The following SMYD3 variants were observed in gnomAD, a reference collection of about 807,000 sequenced individuals.
SMYD3 encodes the protein SET and MYND domain containing 3, also known as histone-lysine N-methyltransferase SMYD3.
SMYD3 carries 36 observed loss-of-function variants against 57.7 expected under a neutral mutation model. That is an observed-to-expected ratio of 0.62 (90% CI 0.48 to 0.82). SMYD3 has a LOEUF of 0.82. Among genes scored for constraint, SMYD3 ranks in the 40% least tolerant of loss-of-function variants. The probability of loss-of-function intolerance (pLI) is 0.00; values close to 1 mark genes in which losing one functional copy is unlikely to be tolerated. For synonymous variants in SMYD3, 211 were observed against 195.0 expected, an observed-to-expected ratio of 1.08 and a Z score of -0.68; for missense variants, 515 against 538.8, an observed-to-expected ratio of 0.96 and a Z score of 0.44.
chr1:246,464,143 TTC>T (rs2067848845), intron 1 of SMYD3, among the ~76,000 whole-genome samples: 1 of 152,162 alleles, frequency 6.6e-6, no homozygotes, highest in Admixed American at 6.5e-5. Flanking sequence ...GCTCTTTGTT[TTC>T]TTTTTGAGGA....
Position 245,858,485 on chromosome 1 carries a change from C to T in SMYD3, c.1076+11G>A. 1 of 1,611,096 alleles carries T rather than the reference C, an allele frequency of 6.2e-7. No individual in the cohort carries two copies. Among genetic ancestry groups the T allele is most frequent in the Non-Finnish European group, 8.5e-7 (1 of 1,178,780 alleles). Reference sequence around the variant, plus strand: ...CCTAGCCCTTATGTCAGCCCTCTCCCTGGGACTTGCCTGTATGGCTCCATG... The same window carrying T: ...CCTAGCCCTTATGTCAGCCCTCTCCTTGGGACTTGCCTGTATGGCTCCATG... On this transcript the variant is annotated intron_variant, in intron 10 of 11. Coordinates refer to ENST00000490107, the MANE Select transcript of SMYD3 (RefSeq NM_001167740.2).
chr1:245,827,540 C>T (rs541400002), intron 10 of SMYD3, among the ~76,000 whole-genome samples: 19 of 152,198 alleles, frequency 1.2e-4, no homozygotes, highest in Non-Finnish European at 2.2e-4. Context: ...TCCTCCCACA[C>T]GCACTCCCGG....
At chr1:246,144,590 T>C (rs2061813687) in intron 5 of SMYD3, among the ~76,000 whole-genome samples, 1 of 152,208 alleles carries the variant, frequency 6.6e-6, no homozygotes, top group Non-Finnish European at 1.5e-5. Flanking sequence ...AACTTGCTTT[T>C]ATCTTTTTAT....
In SMYD3 at chr1:246,248,845, A is replaced by G. The variant is rs1308274342; in HGVS notation, c.531+78356T>C. 9.7e-5 allele frequency among the ~76,000 whole-genome samples: 10 copies of G among 103,074 alleles called. No individual in the cohort carries two copies. The Admixed American group carries it at 1.2e-3, about 12-fold the overall frequency. 67.6% of individuals were successfully genotyped at this position (103,074 alleles called of 152,430 possible). ...TTTTTTTTTTGTATTTTTACTAGAGATGGGGTTTCATCGTGTTAGCCAGGA... is the reference window on the plus strand; with the variant it reads ...TTTTTTTTTTGTATTTTTACTAGAGGTGGGGTTTCATCGTGTTAGCCAGGA... On this transcript the variant is annotated intron_variant, in intron 5 of 11. Transcript: ENST00000490107.
At chr1:245,794,351 C>T (rs575986579) in intron 10 of SMYD3, among the ~76,000 whole-genome samples, 2 of 152,342 alleles carry the variant, frequency 1.3e-5, no homozygotes, top group African/African-American at 4.8e-5. Flanking sequence ...TAACTATAGA[C>T]AGAATTCTTG....
chr1:245,923,113 C>T (rs1244262940), intron 7 of SMYD3, among the ~76,000 whole-genome samples: 1 of 152,078 alleles, frequency 6.6e-6, no homozygotes, highest in Non-Finnish European at 1.5e-5. Flanking sequence ...TTGAGAAAAA[C>T]TCACACTACA....
At chr1:246,383,378 C>G (rs1276389396) in intron 1 of SMYD3, among the ~76,000 whole-genome samples, 25 of 152,170 alleles carry the variant, frequency 1.6e-4, no homozygotes. Flanking sequence ...TACTGAAACA[C>G]AAAGCCTGAC....
At chr1:246,457,326 G>A (rs943000516) in intron 1 of SMYD3, among the ~76,000 whole-genome samples, 1 of 151,994 alleles carries the variant, frequency 6.6e-6, no homozygotes, top group African/African-American at 2.4e-5. Flanking sequence ...GAGGTCAGGA[G>A]TTCCAGACCA....
chr1:245,987,668 A>T (rs2058730066), intron 5 of SMYD3, among the ~76,000 whole-genome samples: 2 of 152,182 alleles, frequency 1.3e-5, no homozygotes, highest in Non-Finnish European at 2.9e-5. Context: ...ATATTAAGAG[A>T]TTTACCCAAG....
At chr1:245,862,587 T>C (rs2051611110) in intron 9 of SMYD3, among the ~76,000 whole-genome samples, 1 of 151,982 alleles carries the variant, frequency 6.6e-6, no homozygotes, top group South Asian at 2.1e-4. Context: ...GATAAACCTG[T>C]CCTCTGTATC....
intron 5 of SMYD3, among the ~76,000 whole-genome samples, chr1:246,261,059 T>C (rs1229019804): frequency 1.3e-5 from 2 of 151,830 alleles, no homozygotes; most frequent in African/African-American, 4.8e-5. Context: ...TTGTTGTTGT[T>C]GTTGTTGTTG....
chr1:246,191,687 T>C (rs2062740868), intron 5 of SMYD3, among the ~76,000 whole-genome samples: 2 of 152,236 alleles, frequency 1.3e-5, no homozygotes, highest in Non-Finnish European at 2.9e-5. Flanking sequence ...TTCTGGTACC[T>C]GTTCAACCAT....
intron 5 of SMYD3, among the ~76,000 whole-genome samples, chr1:246,236,855 A>C (rs1003291324): frequency 6.6e-5 from 10 of 152,120 alleles, no homozygotes; most frequent in African/African-American, 2.2e-4. Flanking sequence ...GAAGGCTGTA[A>C]GAAAGGTATC....
intron 1 of SMYD3, among the ~76,000 whole-genome samples, chr1:246,444,683 T>C (rs74785051): frequency 0.056 from 8,502 of 152,244 alleles, 404 homozygotes; most frequent in African/African-American, 0.13. Flanking sequence ...TATTTTTGCA[T>C]GCAAAATTCC....
At chr1:246,318,200 T>C (rs1029977740) in intron 5 of SMYD3, among the ~76,000 whole-genome samples, 1 of 152,102 alleles carries the variant, frequency 6.6e-6, no homozygotes, top group Non-Finnish European at 1.5e-5. Flanking sequence ...CTGGGCAACA[T>C]AGCAAGACCT....
At chr1:246,129,095 G>A (rs1264653180) in intron 5 of SMYD3, among the ~76,000 whole-genome samples, 1 of 152,082 alleles carries the variant, frequency 6.6e-6, no homozygotes, top group African/African-American at 2.4e-5. Flanking sequence ...CCTCCCCACT[G>A]TTGATCCCAT....
chr1:246,378,379 C>G (rs2066314702), intron 1 of SMYD3, among the ~76,000 whole-genome samples: 1 of 151,924 alleles, frequency 6.6e-6, no homozygotes, highest in Non-Finnish European at 1.5e-5. Flanking sequence ...GAAAGGCAGA[C>G]CCACCCTTAA....
chr1:245,816,887 G>A (rs1280498501), intron 10 of SMYD3, among the ~76,000 whole-genome samples: 5 of 128,488 alleles, frequency 3.9e-5, no homozygotes, highest in Admixed American at 1.5e-4. Flanking sequence ...CATCTGGCTC[G>A]GAGGGTCCTA....
chr1:246,176,032 A>C lies in SMYD3; in HGVS notation c.531+151169T>G, dbSNP rs148516778. Among the ~76,000 whole-genome samples, 246 of 152,346 alleles carry C rather than the reference A, an allele frequency of 1.6e-3. 1 individual carries two copies. The highest frequency in any genetic ancestry group is 5.5e-3 in the African/African-American group (228 of 41,578). ...AGAAGAGATATTTATTCAAAAGCAG[A>C]AAGATAATGGAAACCAAGTGTTTTA... On this transcript the variant is annotated intron_variant, in intron 5 of 11. Coordinates refer to ENST00000490107, the MANE Select transcript of SMYD3 (RefSeq NM_001167740.2).
Sources: gnomAD v4.1 joint callset for allele counts (sites outside exome capture counted in the v4.1 genomes callset) on GRCh38, gnomAD v4.1.1 for gene constraint, MANE v1.5 for transcripts, NCBI Gene and HGNC (gene_info 2026-07-23, HGNC 2026-07-21) for gene names.